The following SLC24A2 variants were observed in gnomAD, a reference collection of about 807,000 sequenced individuals.
SLC24A2 encodes the protein solute carrier family 24 member 2.
A neutral mutation model predicts 62.0 loss-of-function variants in SLC24A2; 36 were observed. That is an observed-to-expected ratio of 0.58 (90% confidence interval 0.44 to 0.77). SLC24A2 has a LOEUF of 0.77. Among genes scored for constraint, SLC24A2 ranks in the 30% least tolerant of loss-of-function variants. The probability of loss-of-function intolerance (pLI) is 0.00; values close to 1 mark genes in which losing one functional copy is unlikely to be tolerated. For missense variants in SLC24A2, 846 were observed against 817.9 expected, an observed-to-expected ratio of 1.03 and a Z score of -0.42; for synonymous variants, 358 against 294.0, an observed-to-expected ratio of 1.22 and a Z score of -2.23.
the SLC24A2 span, among the ~76,000 whole-genome samples, chr9:20,111,728 G>C: frequency 2.6e-5 from 4 of 152,144 alleles, no homozygotes; most frequent in African/African-American, 9.6e-5. Context: ...TAACACATCA[G>C]TAGATGTAAT....
chr9:19,559,557 A>G (rs1173425894), intron 7 of SLC24A2, among the ~76,000 whole-genome samples: 4 of 152,224 alleles, frequency 2.6e-5, no homozygotes, highest in African/African-American at 7.2e-5. Context: ...AGCTGAAAAC[A>G]ATGGTAGAGT....
At chr9:20,255,092 C>T in the SLC24A2 span, among the ~76,000 whole-genome samples, 2 of 152,120 alleles carry the variant, frequency 1.3e-5, no homozygotes, top group Non-Finnish European at 2.9e-5. Context: ...CAGAGCCAAA[C>T]CATATCATGA....
rs890526417 is a variant in SLC24A2, at chr9:19,537,093, T to C, written c.1480-8955A>G. 1.0e-3 allele frequency among the ~76,000 whole-genome samples: 152 copies of C among 151,712 alleles called. 1 individual carries two copies. The highest frequency in any genetic ancestry group is 3.3e-3 in the Admixed American group (50 of 15,264). ...ATTTGTTTGAGTTCACTGTAGATTC[T>C]GGATATTAGCCCTTTGTGAGATGAG... is the stretch of plus-strand genomic sequence containing the variant. On this transcript the variant is annotated intron_variant, in intron 8 of 10. Coordinates refer to ENST00000341998, the MANE Select transcript of SLC24A2 (RefSeq NM_020344.4).
the SLC24A2 span, among the ~76,000 whole-genome samples, chr9:20,068,236 G>T: frequency 6.6e-6 from 1 of 151,810 alleles, no homozygotes; most frequent in Non-Finnish European, 1.5e-5. Context: ...ATAATTTTCT[G>T]TATTTTTAGT....
chr9:19,975,885 A>G, the SLC24A2 span, among the ~76,000 whole-genome samples: 1 of 128,974 alleles, frequency 7.8e-6, no homozygotes, highest in Non-Finnish European at 1.8e-5. Flanking sequence ...TAACAATATG[A>G]CCATAAACAT....
chr9:20,234,556 G>T, the SLC24A2 span, among the ~76,000 whole-genome samples: 4 of 152,144 alleles, frequency 2.6e-5, no homozygotes, highest in Admixed American at 6.5e-5. Flanking sequence ...CGTAGCTCTC[G>T]TGCCTTGGTT....
chr9:20,040,518 C>A, the SLC24A2 span, among the ~76,000 whole-genome samples: 6 of 152,272 alleles, frequency 3.9e-5, no homozygotes, highest in Middle Eastern at 3.4e-3. Context: ...ATGTGCGTCA[C>A]CCATTTCTTT....
the SLC24A2 span, among the ~76,000 whole-genome samples, chr9:20,177,268 A>T: frequency 3.3e-5 from 5 of 152,148 alleles, no homozygotes; most frequent in African/African-American, 1.2e-4. Context: ...TTACCAGGCC[A>T]GATTTCCTGA....
chr9:19,976,205 A>G, the SLC24A2 span, among the ~76,000 whole-genome samples: 6 of 152,330 alleles, frequency 3.9e-5, no homozygotes, highest in South Asian at 1.2e-3. Flanking sequence ...AAAATACAGT[A>G]AAACAATTAT....
intron 7 of SLC24A2, among the ~76,000 whole-genome samples, chr9:19,551,425 AG>A (rs1834841167): frequency 6.6e-6 from 1 of 152,134 alleles, no homozygotes; most frequent in African/African-American, 2.4e-5. Context: ...TGGGCCCAGC[AG>A]GGGGTGACCG....
upstream of SLC24A2, among the ~76,000 whole-genome samples, chr9:19,793,901 A>G (rs1823348299): frequency 6.6e-6 from 1 of 152,246 alleles, no homozygotes; most frequent in Non-Finnish European, 1.5e-5. Flanking sequence ...ATTTAAAAAA[A>G]TCACAGATAT....
At chr9:20,200,958 G>A in the SLC24A2 span, among the ~76,000 whole-genome samples, 1 of 152,100 alleles carries the variant, frequency 6.6e-6, no homozygotes, top group Non-Finnish European at 1.5e-5. Context: ...CTAAAACAGG[G>A]GTTTTACCCT....
the SLC24A2 span, among the ~76,000 whole-genome samples, chr9:20,050,861 G>A: frequency 6.6e-6 from 1 of 152,000 alleles, no homozygotes; most frequent in African/African-American, 2.4e-5. Context: ...GTCACGATTG[G>A]AAAAAGGCAG....
the SLC24A2 span, among the ~76,000 whole-genome samples, chr9:19,874,243 C>G: frequency 2.0e-5 from 3 of 151,930 alleles, no homozygotes; most frequent in Non-Finnish European, 2.9e-5. Context: ...CCACACCCAG[C>G]TAATTTTTGT....
the SLC24A2 span, among the ~76,000 whole-genome samples, chr9:20,237,539 C>A: frequency 6.6e-6 from 1 of 152,176 alleles, no homozygotes; most frequent in African/African-American, 2.4e-5. Flanking sequence ...ATACTGAAGA[C>A]ACAGACTAGA....
At chr9:20,093,881 T>C in the SLC24A2 span, among the ~76,000 whole-genome samples, 8 of 152,190 alleles carry the variant, frequency 5.3e-5, no homozygotes, top group South Asian at 2.1e-4. Context: ...TACTCTGAAA[T>C]GATTATCATG....
the SLC24A2 span, among the ~76,000 whole-genome samples, chr9:20,191,886 C>A: frequency 6.6e-6 from 1 of 152,094 alleles, no homozygotes. Flanking sequence ...GGAGGGTACA[C>A]ACATGTTTAT....
the SLC24A2 span, among the ~76,000 whole-genome samples, chr9:19,827,647 C>A: frequency 6.6e-6 from 1 of 152,092 alleles, no homozygotes; most frequent in African/African-American, 2.4e-5. Context: ...TGTTCTACCT[C>A]CCTCCCTCAT....
the SLC24A2 span, among the ~76,000 whole-genome samples, chr9:20,277,661 T>C: frequency 6.6e-6 from 1 of 152,308 alleles, no homozygotes; most frequent in East Asian, 1.9e-4. Flanking sequence ...AGTTCAGCCA[T>C]TTTGGAAGAC....
Sources: gnomAD v4.1 joint callset for allele counts (sites outside exome capture counted in the v4.1 genomes callset) on GRCh38, gnomAD v4.1.1 for gene constraint, MANE v1.5 for transcripts, NCBI Gene and HGNC (gene_info 2026-07-23, HGNC 2026-07-21) for gene names.